SDK1: variants seen among roughly 807,000 people sequenced by gnomAD.
SDK1 encodes the protein protein sidekick-1.
A neutral mutation model predicts 245.5 loss-of-function variants in SDK1; 157 were observed. The observed-to-expected ratio is 0.64, with a 90% confidence interval of 0.56 to 0.73. The LOEUF (loss-of-function observed/expected upper bound fraction) is 0.73, where lower values mean the gene tolerates loss of function less well. SDK1 is among the 30% of genes least tolerant of loss of function. The probability of loss-of-function intolerance (pLI) is 0.00; values close to 1 mark genes in which losing one functional copy is unlikely to be tolerated. For synonymous variants in SDK1, 1,647 were observed against 1,278.5 expected, an observed-to-expected ratio of 1.29 and a Z score of -6.15; for missense variants, 3,583 against 3,002.3, an observed-to-expected ratio of 1.19 and a Z score of -4.52.
intron 14 of SDK1, among the ~76,000 whole-genome samples, chr7:4,001,438 G>A (rs996312058): frequency 2.6e-5 from 4 of 152,204 alleles, no homozygotes; most frequent in Non-Finnish European, 5.9e-5. Context: ...GTCTGGCCTC[G>A]GTGGGCCACC....
At chr7:3,743,636 T>G (rs1779537315) in intron 4 of SDK1, among the ~76,000 whole-genome samples, 1 of 152,182 alleles carries the variant, frequency 6.6e-6, no homozygotes, top group South Asian at 2.1e-4. Context: ...TAGTAAGTAT[T>G]TAAGGAACAT....
At position 4,074,907 on chromosome 7, in the gene SDK1, TATATATA is replaced by T. The variant is rs1393567632; in HGVS notation, c.3011-2090_3011-2084del. Reference sequence around the variant, plus strand: ...CTCTGTATATATATATATATATATATATATATATATTTTTTTTTTTTTTTAATAAAGT... The same window carrying T: ...CTCTGTATATATATATATATATATATTATTTTTTTTTTTTTTTAATAAAGT... On this transcript the variant is annotated intron_variant, in intron 20 of 44. Transcript: ENST00000404826. Among the ~76,000 whole-genome samples, 50 of 88,688 alleles carry T rather than the reference TATATATA, an allele frequency of 5.6e-4. 1 individual carries two copies. Among genetic ancestry groups the T allele is most frequent in the South Asian group, 2.4e-3 (6 of 2,510 alleles). The allele number at this position is 88,688 out of a possible 152,430, so 58.2% of individuals were successfully genotyped here.
chr7:3,859,954 C>G (rs1780648598), intron 5 of SDK1, among the ~76,000 whole-genome samples: 2 of 151,258 alleles, frequency 1.3e-5, no homozygotes, highest in South Asian at 2.1e-4. Context: ...GAGTCTTACT[C>G]TGTCGCCCAG....
intron 27 of SDK1, chr7:4,130,304 T>G: frequency 1.7e-6 from 1 of 602,162 alleles, no homozygotes; most frequent in Non-Finnish European, 2.9e-6. Context: ...AGCCTAATTA[T>G]GAACCTGTAC....
chr7:3,615,785 C>G (rs1225821317), intron 1 of SDK1, among the ~76,000 whole-genome samples: 2 of 151,656 alleles, frequency 1.3e-5, no homozygotes, highest in African/African-American at 2.4e-5. Context: ...TGTCCTCCCA[C>G]TATTCCACGC....
At chr7:3,793,173 G>T (rs180736501) in intron 4 of SDK1, among the ~76,000 whole-genome samples, 10 of 152,164 alleles carry the variant, frequency 6.6e-5, no homozygotes, top group African/African-American at 2.4e-5. Flanking sequence ...CCATGTAAGG[G>T]TTATAATTTT....
intron 13 of SDK1, 50 bp downstream of exon 13, chr7:3,974,595 C>G: frequency 6.4e-7 from 1 of 1,562,950 alleles, no homozygotes; most frequent in Non-Finnish European, 8.8e-7. Context: ...TTCTCCGTTA[C>G]TGTGCCCCTG....
chr7:3,434,245 C>T (rs1302002735), intron 1 of SDK1, among the ~76,000 whole-genome samples: 4 of 152,162 alleles, frequency 2.6e-5, no homozygotes, highest in African/African-American at 9.7e-5. Flanking sequence ...ATTAGGAAAT[C>T]ATGTTTTAAA....
At chr7:3,333,573 C>T (rs1354472367) in intron 1 of SDK1, among the ~76,000 whole-genome samples, 1 of 152,108 alleles carries the variant, frequency 6.6e-6, no homozygotes, top group Non-Finnish European at 1.5e-5. Flanking sequence ...CTAACTCCTA[C>T]ATCAGAACCC....
At chr7:4,111,523 G>C (rs1783345054) in intron 23 of SDK1, among the ~76,000 whole-genome samples, 2 of 148,590 alleles carry the variant, frequency 1.3e-5, no homozygotes, top group African/African-American at 2.6e-5. Flanking sequence ...ACCAAAGTTA[G>C]AGTTAAAAAA....
chr7:4,230,690 A>T (rs1303836374), intron 40 of SDK1, among the ~76,000 whole-genome samples: 5 of 151,430 alleles, frequency 3.3e-5, no homozygotes, highest in African/African-American at 1.2e-4. Context: ...AATGGAATGG[A>T]TGGATGGTTA....
chr7:4,093,209 T>C (rs1026648580), intron 22 of SDK1, among the ~76,000 whole-genome samples: 1 of 152,106 alleles, frequency 6.6e-6, no homozygotes, highest in African/African-American at 2.4e-5. Context: ...AAACATCTCT[T>C]TGAGCATTTT....
In SDK1 at chr7:4,224,478, C is replaced by T. The variant is rs916192890; in HGVS notation, c.5827+3114C>T. ...TAAGAACAGCACCAAAGGGGTGGTC[C>T]TAAAACCATTCATGAGAAACCCACT... On this transcript the variant is annotated intron_variant, in intron 40 of 44. Coordinates refer to ENST00000404826, the MANE Select transcript of SDK1 (RefSeq NM_152744.4). Among the ~76,000 whole-genome samples, 4 of 152,122 alleles carry T rather than the reference C, an allele frequency of 2.6e-5. No homozygotes were observed. The East Asian group carries it at 5.8e-4, about 22-fold the overall frequency.
chr7:3,615,463 C>G (rs1781736535), intron 1 of SDK1, among the ~76,000 whole-genome samples: 2 of 151,734 alleles, frequency 1.3e-5, no homozygotes, highest in Admixed American at 1.3e-4. Context: ...GGCTCGACAA[C>G]TCCTGACTTT....
At chr7:4,145,383 G>C (rs953954712) in intron 28 of SDK1, among the ~76,000 whole-genome samples, 2 of 152,282 alleles carry the variant, frequency 1.3e-5, no homozygotes, top group South Asian at 4.2e-4. Context: ...GGGAGGGAGA[G>C]GCAGAGACTG....
At chr7:4,219,324 TCA>T (rs1242487980) in intron 38 of SDK1, among the ~76,000 whole-genome samples, 1 of 152,188 alleles carries the variant, frequency 6.6e-6, no homozygotes, top group East Asian at 1.9e-4. Flanking sequence ...TAATCTGTTC[TCA>T]CACTGCTAAT....
At chr7:3,481,533 G>T (rs1222117068) in intron 1 of SDK1, among the ~76,000 whole-genome samples, 1 of 152,228 alleles carries the variant, frequency 6.6e-6, no homozygotes, top group Non-Finnish European at 1.5e-5. Flanking sequence ...ACTGGGTCCA[G>T]CCAGTGAGAA....
In SDK1 at chr7:3,563,963, TA is replaced by T. The variant is rs201581209; in HGVS notation, c.299-55110del. On this transcript the variant is annotated intron_variant, in intron 1 of 44. Coordinates refer to ENST00000404826, the MANE Select transcript of SDK1 (RefSeq NM_152744.4). ...ACATATTTCTAAATAGCTATTGAAT[TA>T]AAAAAATAAAATTATGATATATTTA... Among the ~76,000 whole-genome samples, 1,271 of 152,148 alleles carry T rather than the reference TA, an allele frequency of 8.4e-3. 22 individuals are homozygous for T. The highest frequency in any genetic ancestry group is 0.029 in the African/African-American group (1,193 of 41,504).
At chr7:4,056,337 G>A (rs1439138015) in intron 19 of SDK1, among the ~76,000 whole-genome samples, 2 of 152,120 alleles carry the variant, frequency 1.3e-5, no homozygotes, top group African/African-American at 4.8e-5. Flanking sequence ...GAGCCTGAAT[G>A]AGAGGGGCTT....
Sources: gnomAD v4.1 joint callset for allele counts (sites outside exome capture counted in the v4.1 genomes callset) on GRCh38, gnomAD v4.1.1 for gene constraint, MANE v1.5 for transcripts, NCBI Gene and HGNC (gene_info 2026-07-23, HGNC 2026-07-21) for gene names.